Variants in PKNOX2 observed in about 807,000 individuals in gnomAD.
PKNOX2 encodes homeobox protein PKNOX2.
In PKNOX2, 14 loss-of-function variants were observed where a neutral mutation model predicts 53.1. That is an observed-to-expected ratio of 0.26 (90% CI 0.17 to 0.41). The LOEUF is 0.41. Among genes scored for constraint, PKNOX2 ranks in the 10% least tolerant of loss-of-function variants. The pLI is 1.00. For missense variants in PKNOX2, 496 were observed against 602.8 expected, an observed-to-expected ratio of 0.82 and a Z score of 1.85; for synonymous variants, 257 against 242.8, an observed-to-expected ratio of 1.06 and a Z score of -0.54.
intron 2 of PKNOX2, among the ~76,000 whole-genome samples, chr11:125,327,309 G>A (rs546660693): frequency 6.8e-4 from 103 of 152,370 alleles, no homozygotes; most frequent in African/African-American, 2.4e-3. Context: ...TAGGCAGAGA[G>A]AGGCCTGTGG....
intron 1 of PKNOX2, among the ~76,000 whole-genome samples, chr11:125,215,372 G>A (rs560715644): frequency 6.6e-5 from 10 of 152,130 alleles, no homozygotes; most frequent in South Asian, 4.2e-4. Flanking sequence ...AGATCCCTTC[G>A]TGCCTTACTT....
At chr11:125,189,316 G>A (rs1180525544) in intron 1 of PKNOX2, among the ~76,000 whole-genome samples, 1 of 142,630 alleles carries the variant, frequency 7.0e-6, no homozygotes, top group Non-Finnish European at 1.5e-5. Context: ...CAGGGGATAG[G>A]AACAAGCCCA....
intron 2 of PKNOX2, among the ~76,000 whole-genome samples, chr11:125,258,281 C>A (rs1171313708): frequency 6.6e-6 from 1 of 152,110 alleles, no homozygotes; most frequent in Non-Finnish European, 1.5e-5. Context: ...ATCTCTAACC[C>A]ATATACTCCG....
chr11:125,231,717 G>A (rs1942217938), intron 1 of PKNOX2, among the ~76,000 whole-genome samples: 1 of 151,674 alleles, frequency 6.6e-6, no homozygotes, highest in African/African-American at 2.4e-5. Flanking sequence ...ACAGGTGTGT[G>A]TGGGGGGTGT....
chr11:125,363,103 C>T (rs1439517829), intron 4 of PKNOX2, among the ~76,000 whole-genome samples: 1 of 152,314 alleles, frequency 6.6e-6, no homozygotes, highest in African/African-American at 2.4e-5. Context: ...GAGGTGATGG[C>T]CCCAGGGTCT....
intron 2 of PKNOX2, among the ~76,000 whole-genome samples, chr11:125,312,234 G>A (rs977888223): frequency 2.6e-5 from 4 of 152,154 alleles, no homozygotes; most frequent in South Asian, 2.1e-4. Context: ...CAGTATGATC[G>A]GGTCCCCGGA....
At chr11:125,398,124 C>A in intron 7 of PKNOX2, 62 bp downstream of exon 7, 22 of 1,500,616 alleles carry the variant, frequency 1.5e-5, no homozygotes, top group Non-Finnish European at 1.8e-5. Flanking sequence ...TCTGGAGCCA[C>A]GCGTGGAGGA....
intron 1 of PKNOX2, among the ~76,000 whole-genome samples, chr11:125,210,733 C>G (rs1939738716): frequency 6.6e-6 from 1 of 152,112 alleles, no homozygotes; most frequent in African/African-American, 2.4e-5. Context: ...TTGTCACCCT[C>G]ACTGTCCCGC....
intron 5 of PKNOX2, 43 bp from the exon 6 acceptor site, chr11:125,385,508 G>A (rs1219667122): frequency 5.8e-6 from 9 of 1,554,830 alleles, no homozygotes; most frequent in Admixed American, 2.0e-5. Context: ...TAGCAGCACG[G>A]TCTCTGTGTG....
Position 125,280,214 on chromosome 11 carries a change from G to A in PKNOX2, c.-130+45099G>A, listed in dbSNP as rs544762547. Among the ~76,000 whole-genome samples the A allele has an allele frequency of 5.3e-5, 8 of 151,832 alleles. No individual in the cohort carries two copies. In the East Asian group the frequency reaches 9.7e-4, roughly 18 times the overall value. ...TCGGGGCTGAGAAATGTGGTGAAGC[G>A]AGATAATTGCACTATTCCCAGTACA... is the stretch of plus-strand genomic sequence containing the variant. On this transcript the variant is annotated intron_variant, in intron 2 of 12. Coordinates refer to ENST00000298282, the MANE Select transcript of PKNOX2 (RefSeq NM_001382323.2).
At chr11:125,382,288 G>C (rs1380696555) in intron 5 of PKNOX2, among the ~76,000 whole-genome samples, 2 of 152,200 alleles carry the variant, frequency 1.3e-5, no homozygotes, top group African/African-American at 4.8e-5. Context: ...TTGACAGCCT[G>C]CATATAACCT....
At chr11:125,336,155 T>G (rs1950423848) in intron 3 of PKNOX2, among the ~76,000 whole-genome samples, 1 of 152,188 alleles carries the variant, frequency 6.6e-6, no homozygotes, top group Admixed American at 6.5e-5. Flanking sequence ...AGTTATTTTT[T>G]AAATTAGAAG....
intron 1 of PKNOX2, among the ~76,000 whole-genome samples, chr11:125,198,811 C>T (rs1032494113): frequency 6.6e-6 from 1 of 151,014 alleles, no homozygotes; most frequent in Non-Finnish European, 1.5e-5. Context: ...GATCCGCCTC[C>T]TCCTCCTCTT....
At chr11:125,228,068 T>C (rs1264953358) in intron 1 of PKNOX2, among the ~76,000 whole-genome samples, 1 of 152,202 alleles carries the variant, frequency 6.6e-6, no homozygotes, top group South Asian at 2.1e-4. Context: ...GGTAGTGTAC[T>C]GCTCCTCTCC....
chr11:125,293,333 G>A (rs1947432233), intron 2 of PKNOX2, among the ~76,000 whole-genome samples: 1 of 152,202 alleles, frequency 6.6e-6, no homozygotes, highest in South Asian at 2.1e-4. Flanking sequence ...GCAGGTGGAT[G>A]ACTAATGGGG....
intron 1 of PKNOX2, among the ~76,000 whole-genome samples, chr11:125,196,372 G>T (rs970930613): frequency 6.6e-6 from 1 of 152,158 alleles, no homozygotes; most frequent in Non-Finnish European, 1.5e-5. Flanking sequence ...TTAGGATAGG[G>T]CCTGAAACAA....
At chr11:125,231,996 C>T (rs537328074) in intron 1 of PKNOX2, among the ~76,000 whole-genome samples, 1 of 152,344 alleles carries the variant, frequency 6.6e-6, no homozygotes, top group African/African-American at 2.4e-5. Context: ...ATTCTCCTCT[C>T]AGTGTTGGGA....
intron 2 of PKNOX2, among the ~76,000 whole-genome samples, chr11:125,250,289 T>G (rs1202614145): frequency 6.6e-6 from 1 of 151,862 alleles, no homozygotes; most frequent in Non-Finnish European, 1.5e-5. Context: ...CAAAAATAAC[T>G]AAACAAGAAA....
chr11:125,382,441 C>G (rs1176600165), intron 5 of PKNOX2, among the ~76,000 whole-genome samples: 2 of 152,336 alleles, frequency 1.3e-5, no homozygotes, highest in East Asian at 3.9e-4. Flanking sequence ...ACCCCCACCA[C>G]CTGGCACGAT....
Sources: allele counts gnomAD v4.1 joint callset (sites outside exome capture counted in the v4.1 genomes callset), GRCh38; gene constraint gnomAD v4.1.1; transcripts MANE v1.5; gene names NCBI Gene and HGNC (gene_info 2026-07-23, HGNC 2026-07-21).